SLC22A23: variants seen among roughly 807,000 people sequenced by gnomAD.
The protein encoded by SLC22A23 is ion transporter protein.
A neutral mutation model predicts 61.0 loss-of-function variants in SLC22A23; 26 were observed. The ratio of observed to expected loss-of-function variants is 0.43; its 90% CI spans 0.31 to 0.59. The LOEUF (loss-of-function observed/expected upper bound fraction) is 0.59, where lower values mean the gene tolerates loss of function less well. SLC22A23 is among the 20% of genes least tolerant of loss of function. The probability of loss-of-function intolerance (pLI) is 0.11; values close to 1 mark genes in which losing one functional copy is unlikely to be tolerated. For missense variants in SLC22A23, 796 were observed against 934.7 expected, an observed-to-expected ratio of 0.85 and a Z score of 1.94; for synonymous variants, 430 against 413.9, an observed-to-expected ratio of 1.04 and a Z score of -0.47.
At chr6:3,349,282 C>T (rs1764626849) in intron 3 of SLC22A23, among the ~76,000 whole-genome samples, 1 of 152,224 alleles carries the variant, frequency 6.6e-6, no homozygotes, top group Non-Finnish European at 1.5e-5. Flanking sequence ...GTCAGAGCCC[C>T]AAACACCTTT....
intron 9 of SLC22A23, among the ~76,000 whole-genome samples, chr6:3,280,511 T>TC (rs1561860478): frequency 1.1e-3 from 32 of 30,252 alleles, no homozygotes; most frequent in Admixed American, 1.9e-3. Flanking sequence ...TTTTTTTTTT[T>TC]TTGAGATGGA....
At position 3,329,421 on chromosome 6, in the gene SLC22A23, C is replaced by A. The variant is rs1763460689; in HGVS notation, c.914-5419G>T. 6.6e-6 allele frequency among the ~76,000 whole-genome samples: 1 copy of A among 152,132 alleles called. No individual in the cohort carries two copies. The highest frequency in any genetic ancestry group is 2.1e-4 in the South Asian group (1 of 4,830). ...TCCTGGCTTCTCTGAAATGAGAGTA[C>A]AGGATTTTTCTGGACTGGAGTTGGC... On this transcript the variant is annotated intron_variant, in intron 3 of 9. Transcript: ENST00000406686. This position sits in a 1 kb window ranked among gnomAD's most constrained non-coding sequence, Gnocchi z 4.8.
rs909866765 is a variant in SLC22A23, at chr6:3,454,716, T to A, written c.654+1190A>T. Reference sequence around the variant, plus strand: ...TTGCAGGGCAGCAGGGGCAGCTCAGTCAGACAGTTCCCACAGGACAGAGCA... The same window carrying A: ...TTGCAGGGCAGCAGGGGCAGCTCAGACAGACAGTTCCCACAGGACAGAGCA... On this transcript the variant is annotated intron_variant, in intron 1 of 9. Transcript: ENST00000406686. The surrounding 1 kb of genome is among the most constrained non-coding windows in gnomAD (Gnocchi z 4.3). Among the ~76,000 whole-genome samples the A allele has an allele frequency of 6.6e-6, 1 of 152,160 alleles. No homozygotes were observed. Among genetic ancestry groups the A allele is most frequent in the Non-Finnish European group, 1.5e-5 (1 of 68,024 alleles).
At chr6:3,320,009 C>T (rs940686031) in intron 4 of SLC22A23, among the ~76,000 whole-genome samples, 7 of 152,216 alleles carry the variant, frequency 4.6e-5, no homozygotes, top group Non-Finnish European at 7.3e-5. Flanking sequence ...GTCCTGTGGC[C>T]ATTGACAGTT....
intron 4 of SLC22A23, among the ~76,000 whole-genome samples, chr6:3,300,362 C>T (rs1761510299): frequency 6.6e-6 from 1 of 152,106 alleles, no homozygotes; most frequent in East Asian, 1.9e-4. Context: ...AATGGTGTTT[C>T]CCTCACCCTG....
intron 3 of SLC22A23, among the ~76,000 whole-genome samples, chr6:3,354,770 G>T (rs1197043092): frequency 6.6e-6 from 1 of 152,206 alleles, no homozygotes; most frequent in Admixed American, 6.5e-5. Flanking sequence ...AACAAATGGG[G>T]AAGGTACTAT....
At chr6:3,403,515 A>C (rs1488128849) in intron 3 of SLC22A23, among the ~76,000 whole-genome samples, 1 of 152,176 alleles carries the variant, frequency 6.6e-6, no homozygotes, top group African/African-American at 2.4e-5. Context: ...GGAAGCTGTT[A>C]ACCATTAATC....
chr6:3,324,303 G>A lies in SLC22A23; in HGVS notation c.914-301C>T, dbSNP rs1055026999. ...AATGGTACTGCCTATGGGACAGATC[G>A]CCCATTGTTCCTGCTTCCTCTGCTC... is the stretch of plus-strand genomic sequence containing the variant. On this transcript the variant is annotated intron_variant, in intron 3 of 9. Coordinates refer to ENST00000406686, the MANE Select transcript of SLC22A23 (RefSeq NM_015482.2). This position sits in a 1 kb window ranked among gnomAD's most constrained non-coding sequence, Gnocchi z 4.3. 12 of 341,518 alleles carry A rather than the reference G, an allele frequency of 3.5e-5. No homozygotes were observed. Among genetic ancestry groups the A allele is most frequent in the Non-Finnish European group, 4.9e-5 (9 of 183,890 alleles). 21.2% of individuals were successfully genotyped at this position (341,518 alleles called of 1,614,324 possible).
At chr6:3,442,471 CAA>C (rs34422501) in intron 1 of SLC22A23, among the ~76,000 whole-genome samples, 1 of 152,200 alleles carries the variant, frequency 6.6e-6, no homozygotes, top group Non-Finnish European at 1.5e-5. Context: ...AAGAGTAGGA[CAA>C]AGACTATCCG....
chr6:3,422,392 A>G (rs1420396207), intron 1 of SLC22A23, among the ~76,000 whole-genome samples: 1 of 152,198 alleles, frequency 6.6e-6, no homozygotes, highest in Non-Finnish European at 1.5e-5. Flanking sequence ...ACCCTCCACA[A>G]GCCAGGCTGA....
intron 3 of SLC22A23, among the ~76,000 whole-genome samples, chr6:3,388,928 G>A (rs746901723): frequency 6.6e-6 from 1 of 152,088 alleles, no homozygotes; most frequent in African/African-American, 2.4e-5. Context: ...GGAATGGGGA[G>A]TTCGTATTTT....
chr6:3,359,593 C>G (rs1175803831), intron 3 of SLC22A23, among the ~76,000 whole-genome samples: 1 of 152,180 alleles, frequency 6.6e-6, no homozygotes, highest in Non-Finnish European at 1.5e-5. Context: ...CCAGTACATT[C>G]CTGGTGGGAA....
chr6:3,279,323 C>G (rs1394800934), intron 9 of SLC22A23, among the ~76,000 whole-genome samples: 1 of 150,898 alleles, frequency 6.6e-6, no homozygotes, highest in Non-Finnish European at 1.5e-5. Flanking sequence ...CCACTGTGGC[C>G]AACATGGTGA....
At chr6:3,362,198 G>T (rs1424829860) in intron 3 of SLC22A23, among the ~76,000 whole-genome samples, 3 of 151,742 alleles carry the variant, frequency 2.0e-5, no homozygotes, top group African/African-American at 4.8e-5. Context: ...GAGCTCAGGA[G>T]TTCGAGACCA....
At chr6:3,412,142 G>A (rs7770708) in intron 2 of SLC22A23, among the ~76,000 whole-genome samples, 5,390 of 152,188 alleles carry the variant, frequency 0.035, 297 homozygotes, top group African/African-American at 0.12. Context: ...TCCTTCCTGC[G>A]TTTCCACGTC....
At chr6:3,340,695 G>A (rs555847598) in intron 3 of SLC22A23, among the ~76,000 whole-genome samples, 20 of 152,130 alleles carry the variant, frequency 1.3e-4, no homozygotes, top group African/African-American at 2.9e-4. Flanking sequence ...GACAGAGTGC[G>A]GCCCTTATGG....
rs1761722261 is a variant in SLC22A23 at position 3,302,973 on chromosome 6, A to T, written c.1083-4755T>A. 2.0e-5 allele frequency: 3 copies of T among 152,236 alleles called. No homozygotes were observed. The South Asian group carries it at 6.2e-4, about 31-fold the overall frequency. 9.4% of individuals were successfully genotyped at this position (152,236 alleles called of 1,614,324 possible). ...CAAACTATTCATCTGACAGGGGATT[A>T]ACATCTAGAATATATGAGGAACTCA... is the stretch of plus-strand genomic sequence containing the variant. On this transcript the variant is annotated intron_variant, in intron 4 of 9. Coordinates refer to ENST00000406686, the MANE Select transcript of SLC22A23 (RefSeq NM_015482.2).
At position 3,432,172 on chromosome 6, in the gene SLC22A23, G is replaced by A. The variant is rs148647851; in HGVS notation, c.655-16317C>T. On this transcript the variant is annotated intron_variant, in intron 1 of 9. Coordinates refer to ENST00000406686, the MANE Select transcript of SLC22A23 (RefSeq NM_015482.2). Reference sequence around the variant, plus strand: ...AGGCGGTAGTGCTAGGGTTCAAACCGGTTCTCCTGCATCTGAGCCCAGTGC... The same window carrying A: ...AGGCGGTAGTGCTAGGGTTCAAACCAGTTCTCCTGCATCTGAGCCCAGTGC... 3.4e-4 allele frequency: 338 copies of A among 981,104 alleles called. 2 individuals carry two copies. In the African/African-American group the frequency reaches 5.3e-3, roughly 15 times the overall value. The allele number at this position is 981,104 out of a possible 1,614,324, so 60.8% of individuals were successfully genotyped here.
At chr6:3,282,140 A>G in intron 9 of SLC22A23, 3 of 693,812 alleles carry the variant, frequency 4.3e-6, no homozygotes, top group Non-Finnish European at 7.9e-6. Flanking sequence ...CCAGCTGGAA[A>G]CCCAGAAGGT....
Sources: allele counts gnomAD v4.1 joint callset (sites outside exome capture counted in the v4.1 genomes callset), GRCh38; gene constraint gnomAD v4.1.1; non-coding constraint Gnocchi (gnomAD v3.1); transcripts MANE v1.5; gene names NCBI Gene and HGNC (gene_info 2026-07-23, HGNC 2026-07-21).